Variants in ARMC7 observed in about 807,000 individuals in gnomAD.
ARMC7 encodes the protein armadillo repeat containing 7.
In ARMC7, 9 loss-of-function variants were observed where a neutral mutation model predicts 14.8. That is an observed-to-expected ratio of 0.61 (90% CI 0.37 to 1.06). The LOEUF (loss-of-function observed/expected upper bound fraction) is 1.06, where lower values mean the gene tolerates loss of function less well. ARMC7 is among the 50% of genes least tolerant of loss of function. ARMC7 has a pLI of 0.01. For missense variants in ARMC7, 262 were observed against 267.1 expected (o/e 0.98, Z 0.13); for synonymous variants, 125 against 123.4 (o/e 1.01, Z -0.09).
At chr17:75,116,539 C>T (rs572790366) in intron 2 of ARMC7, among the ~76,000 whole-genome samples, 4 of 152,286 alleles carry the variant, frequency 2.6e-5, no homozygotes, top group South Asian at 2.1e-4. Flanking sequence ...GCAGGAGAAT[C>T]GCTTGAACCG....
At chr17:75,113,153 G>A (rs2073942358) in intron 2 of ARMC7, among the ~76,000 whole-genome samples, 1 of 151,304 alleles carries the variant, frequency 6.6e-6, no homozygotes, top group African/African-American at 2.4e-5. Flanking sequence ...AGCCTCCCGG[G>A]TATGGGATTA....
chr17:75,112,514 C>T (rs1042670965), intron 2 of ARMC7, among the ~76,000 whole-genome samples: 2 of 151,808 alleles, frequency 1.3e-5, no homozygotes, highest in African/African-American at 4.8e-5. Context: ...ACGTATGATA[C>T]CCATTGGAAG....
intron 2 of ARMC7, among the ~76,000 whole-genome samples, chr17:75,113,986 TA>T (rs1251769772): frequency 1.3e-5 from 2 of 152,194 alleles, no homozygotes; most frequent in East Asian, 3.8e-4. Context: ...TCCCTGGACT[TA>T]CTGCCCCACA....
intron 2 of ARMC7, among the ~76,000 whole-genome samples, chr17:75,126,922 C>T (rs2074055807): frequency 6.6e-6 from 1 of 151,962 alleles, no homozygotes; most frequent in Non-Finnish European, 1.5e-5. Context: ...TTTAGCCGGG[C>T]ATGGTGGCAC....
At chr17:75,127,105 C>T (rs2074057505) in intron 2 of ARMC7, among the ~76,000 whole-genome samples, 1 of 149,442 alleles carries the variant, frequency 6.7e-6, no homozygotes, top group Non-Finnish European at 1.5e-5. Flanking sequence ...CACAGTGGTG[C>T]ATGCCTGGAG....
At chr17:75,117,357 G>A (rs566603313) in intron 2 of ARMC7, among the ~76,000 whole-genome samples, 23 of 152,216 alleles carry the variant, frequency 1.5e-4, no homozygotes, top group African/African-American at 4.6e-4. Context: ...GATTACAGGC[G>A]TGAGCCACTG....
At chr17:75,111,483 C>A (rs1468818474) in intron 2 of ARMC7, among the ~76,000 whole-genome samples, 1 of 151,060 alleles carries the variant, frequency 6.6e-6, no homozygotes, top group East Asian at 1.9e-4. Context: ...GTGGCTCACA[C>A]CTTTAATCTC....
intron 2 of ARMC7, among the ~76,000 whole-genome samples, chr17:75,128,138 A>T (rs765860813): frequency 6.6e-6 from 1 of 151,944 alleles, no homozygotes; most frequent in Non-Finnish European, 1.5e-5. Context: ...GCAGTGATGC[A>T]ATCTCGGCTC....
chr17:75,126,428 C>T lies in ARMC7; in HGVS notation c.236-2249C>T, dbSNP rs994364031. On this transcript the variant is annotated intron_variant, in intron 2 of 2. Transcript: ENST00000245543. ...CTGTTTTCCCCCAGAATCCTAGTAACGGTGACATGGAAATAACATTAAAAT... is the reference window on the plus strand; with the variant it reads ...CTGTTTTCCCCCAGAATCCTAGTAATGGTGACATGGAAATAACATTAAAAT... 1.4e-4 allele frequency among the ~76,000 whole-genome samples: 22 copies of T among 152,224 alleles called. 2 individuals carry two copies. Among genetic ancestry groups the T allele is most frequent in the Admixed American group, 9.8e-4 (15 of 15,276 alleles).
chr17:75,116,906 G>A (rs1439689950), intron 2 of ARMC7, among the ~76,000 whole-genome samples: 1 of 152,114 alleles, frequency 6.6e-6, no homozygotes, highest in Non-Finnish European at 1.5e-5. Flanking sequence ...CTTCCATGCT[G>A]GCTTTGCTGT....
chr17:75,124,854 G>T (rs2074039918), intron 2 of ARMC7, among the ~76,000 whole-genome samples: 1 of 152,228 alleles, frequency 6.6e-6, no homozygotes, highest in Non-Finnish European at 1.5e-5. Context: ...TCAGTCATGT[G>T]TCCAGTGCGT....
intron 2 of ARMC7, among the ~76,000 whole-genome samples, chr17:75,118,398 T>G (rs2073987986): frequency 6.6e-6 from 1 of 152,078 alleles, no homozygotes; most frequent in African/African-American, 2.4e-5. Context: ...AGTGTTCCCA[T>G]CAGCGGTGGC....
chr17:75,118,535 C>T (rs2073988954), intron 2 of ARMC7, among the ~76,000 whole-genome samples: 1 of 152,254 alleles, frequency 6.6e-6, no homozygotes, highest in African/African-American at 2.4e-5. Context: ...CCGCCACAGC[C>T]ATGAGGAAGG....
chr17:75,122,547 G>A (rs189063847), intron 2 of ARMC7, among the ~76,000 whole-genome samples: 2 of 151,792 alleles, frequency 1.3e-5, no homozygotes, highest in Admixed American at 6.6e-5. Context: ...ATTTTTAGTA[G>A]AGATGGGGTT....
Position 75,130,076 on chromosome 17 carries a change from G to C in ARMC7, c.*1038G>C, listed in dbSNP as rs1329252980. The stretch of plus-strand genomic sequence containing the variant: ...CAAGGCTGACCCCTTAGATGGCCCA[G>C]GAATGGCAGGTGCTACAAAAATGGT... On this transcript the variant is annotated 3_prime_UTR_variant, in exon 3 of 3. Coordinates refer to ENST00000245543, the MANE Select transcript of ARMC7 (RefSeq NM_024585.4). 5.6e-6 allele frequency: 1 copy of C among 178,128 alleles called. No individual in the cohort carries two copies. Among genetic ancestry groups the C allele is most frequent in the Non-Finnish European group, 1.2e-5 (1 of 82,660 alleles). 11.0% of individuals were successfully genotyped at this position (178,128 alleles called of 1,614,324 possible). A position where few individuals can be genotyped will look rare whatever the true frequency, so the allele number is the denominator to read the frequency against.
At chr17:75,114,589 A>G (rs2073959431) in intron 2 of ARMC7, 1 of 394,560 alleles carries the variant, frequency 2.5e-6, no homozygotes, top group Non-Finnish European at 4.5e-6. Flanking sequence ...CTGCGTCGCA[A>G]GCAGTTGTGG....
At chr17:75,113,645 G>A (rs1183894167) in intron 2 of ARMC7, among the ~76,000 whole-genome samples, 1 of 152,032 alleles carries the variant, frequency 6.6e-6, no homozygotes, top group African/African-American at 2.4e-5. Flanking sequence ...GTGAGCCACC[G>A]CGCCCGGCAA....
intron 2 of ARMC7, among the ~76,000 whole-genome samples, chr17:75,124,547 C>T (rs896012314): frequency 9.2e-5 from 14 of 152,188 alleles, no homozygotes; most frequent in African/African-American, 2.7e-4. Flanking sequence ...ACAGGAAGGC[C>T]GCTCCCGTCA....
In ARMC7 at chr17:75,110,556, T is replaced by C; in HGVS notation, c.185T>C (p.Phe62Ser). Residue 62 changes from phenylalanine to serine, a missense_variant, in exon 2 of 3, where the codon TTT becomes TCT. Physicochemically the swap from Phe to Ser is radical, Grantham distance 155. Coordinates refer to ENST00000245543, the MANE Select transcript of ARMC7 (RefSeq NM_024585.4). ...CGGCAGCTGCAGGTCCTGGATTTATTTCTCGATTCGCTGTCGGAGGAGAAT... is the reference window on the plus strand; with the variant it reads ...CGGCAGCTGCAGGTCCTGGATTTATCTCTCGATTCGCTGTCGGAGGAGAAT... ...YLRQLQVLDL[F>S]LDSLSEENET... 3 of 1,614,264 alleles carry C rather than the reference T, an allele frequency of 1.9e-6. No homozygotes were observed. The highest frequency in any genetic ancestry group is 2.5e-6 in the Non-Finnish European group (3 of 1,180,046).
Sources: allele counts gnomAD v4.1 joint callset (sites outside exome capture counted in the v4.1 genomes callset), GRCh38; gene constraint gnomAD v4.1.1; transcripts MANE v1.5; gene names NCBI Gene and HGNC (gene_info 2026-07-23, HGNC 2026-07-21).